Variants in ITPR2 observed in about 807,000 individuals in gnomAD.
ITPR2 encodes the protein inositol 1,4,5-trisphosphate-gated calcium channel ITPR2.
A neutral mutation model predicts 317.1 loss-of-function variants in ITPR2; 207 were observed. That is an observed-to-expected ratio of 0.65 (90% CI 0.58 to 0.73). The LOEUF (loss-of-function observed/expected upper bound fraction) is 0.73, where lower values mean the gene tolerates loss of function less well. Among genes scored for constraint, ITPR2 ranks in the 30% least tolerant of loss-of-function variants. The pLI is 0.00. For synonymous variants in ITPR2, 1,156 were observed against 1,149.1 expected (o/e 1.01, Z -0.12); for missense variants, 2,613 against 3,284.0 (o/e 0.80, Z 4.99).
At chr12:26,373,735 A>G (rs1939255929) in intron 55 of ITPR2, 1 of 152,248 alleles carries the variant, frequency 6.6e-6, no homozygotes, top group Admixed American at 6.5e-5. Context: ...GACACAGACC[A>G]GAATATTATT....
At chr12:26,366,263 G>A (rs1251217600) in intron 55 of ITPR2, among the ~76,000 whole-genome samples, 1 of 152,092 alleles carries the variant, frequency 6.6e-6, no homozygotes, top group Admixed American at 6.6e-5. Context: ...AGTAATGAAA[G>A]GCTATGTGAA....
chr12:26,610,427 A>G (rs368748912), intron 26 of ITPR2, among the ~76,000 whole-genome samples: 2 of 152,190 alleles, frequency 1.3e-5, no homozygotes, highest in South Asian at 2.1e-4. Context: ...TTTGCTTTCA[A>G]AAAGTAATGA....
chr12:26,825,423 C>T (rs1436743129), intron 1 of ITPR2, among the ~76,000 whole-genome samples: 2 of 152,004 alleles, frequency 1.3e-5, no homozygotes, highest in African/African-American at 4.8e-5. Flanking sequence ...TATGAAGACC[C>T]TCTGCCTGGA....
intron 48 of ITPR2, among the ~76,000 whole-genome samples, chr12:26,435,125 G>C (rs1219570089): frequency 1.3e-5 from 2 of 152,108 alleles, no homozygotes; most frequent in Admixed American, 1.3e-4. Flanking sequence ...CTAAAGTTTA[G>C]AACTTTGATA....
intron 1 of ITPR2, among the ~76,000 whole-genome samples, chr12:26,826,445 T>C (rs1382133825): frequency 6.6e-6 from 1 of 152,156 alleles, no homozygotes; most frequent in Non-Finnish European, 1.5e-5. Flanking sequence ...GTCAGAATTA[T>C]AAACTGTGTG....
At chr12:26,426,775 T>C (rs2136700607) in intron 49 of ITPR2, among the ~76,000 whole-genome samples, 1 of 152,024 alleles carries the variant, frequency 6.6e-6, no homozygotes, top group South Asian at 2.1e-4. Flanking sequence ...CTCAGCTTTA[T>C]AATTCTTGAA....
intron 37 of ITPR2, among the ~76,000 whole-genome samples, chr12:26,542,994 T>C (rs1944301423): frequency 1.3e-5 from 2 of 152,318 alleles, no homozygotes; most frequent in South Asian, 4.1e-4. Flanking sequence ...AGGATTGGAG[T>C]TGACAGACAT....
chr12:26,443,682 C>CT (rs1270663858), intron 45 of ITPR2, 32 bp from the exon 46 acceptor site: 1 of 1,562,216 alleles, frequency 6.4e-7, no homozygotes, highest in South Asian at 1.1e-5. Context: ...GGTTTTAGGT[C>CT]TTCTTTTCCC....
rs533189506 is a variant in ITPR2, at chr12:26,538,106, T to C, written c.5073+12141A>G. 4.1e-4 allele frequency among the ~76,000 whole-genome samples: 63 copies of C among 152,364 alleles called. 1 individual carries two copies. Among genetic ancestry groups the C allele is most frequent in the African/African-American group, 1.4e-3 (60 of 41,580 alleles). The stretch of plus-strand genomic sequence containing the variant: ...TCATAGAATGAGAGACAGTATCATG[T>C]AGTGATTGGAAACATGGGCTCTAGG... On this transcript the variant is annotated intron_variant, in intron 37 of 56. Transcript: ENST00000381340.
chr12:26,640,315 T>G (rs1946955458), intron 21 of ITPR2, among the ~76,000 whole-genome samples: 1 of 152,032 alleles, frequency 6.6e-6, no homozygotes, highest in East Asian at 1.9e-4. Context: ...ATGGCACATG[T>G]TTACCTATGT....
At chr12:26,430,418 C>T (rs7310244) in intron 48 of ITPR2, among the ~76,000 whole-genome samples, 1 of 152,154 alleles carries the variant, frequency 6.6e-6, no homozygotes, top group African/African-American at 2.4e-5. Context: ...TGCCTGCCAC[C>T]ACGTCTGGCT....
chr12:26,772,500 C>T lies in ITPR2; in HGVS notation c.163+17657G>A, dbSNP rs1179578604. Among the ~76,000 whole-genome samples, 200 of 105,620 alleles carry T rather than the reference C, an allele frequency of 1.9e-3. 1 individual carries two copies. Among genetic ancestry groups the T allele is most frequent in the Non-Finnish European group, 2.5e-3 (120 of 47,474 alleles). 69.3% of individuals were successfully genotyped at this position (105,620 alleles called of 152,430 possible). A position where few individuals can be genotyped will look rare whatever the true frequency, so the allele number is the denominator to read the frequency against. On this transcript the variant is annotated intron_variant, in intron 2 of 56. Transcript: ENST00000381340. ...TATAATATATATAATACATATAATA[C>T]ATGTATTATATATAATACATTATTA...
intron 34 of ITPR2, among the ~76,000 whole-genome samples, chr12:26,574,278 C>A (rs190733015): frequency 6.6e-6 from 1 of 151,246 alleles, no homozygotes; most frequent in East Asian, 1.9e-4. Context: ...TTGTGTTCCT[C>A]CTCAGATTTC....
intron 12 of ITPR2, 83 bp from the exon 13 acceptor site, chr12:26,682,117 G>C (rs1415319994): frequency 5.4e-6 from 6 of 1,115,880 alleles, no homozygotes; most frequent in Admixed American, 2.1e-5. Flanking sequence ...TACTGTTTAA[G>C]AAATATAAGA....
chr12:26,379,230 T>C (rs1181396909), intron 55 of ITPR2, among the ~76,000 whole-genome samples: 1 of 152,330 alleles, frequency 6.6e-6, no homozygotes. Flanking sequence ...CAATAGGATC[T>C]GCCTCCTAGA....
intron 32 of ITPR2, among the ~76,000 whole-genome samples, chr12:26,583,419 A>C (rs1204015632): frequency 6.6e-6 from 1 of 152,050 alleles, no homozygotes; most frequent in East Asian, 1.9e-4. Context: ...ATTCTATTTA[A>C]AATATTTCAT....
At chr12:26,728,250 G>A (rs1270567627) in intron 2 of ITPR2, among the ~76,000 whole-genome samples, 6 of 152,128 alleles carry the variant, frequency 3.9e-5, no homozygotes, top group African/African-American at 1.2e-4. Flanking sequence ...TTGGGTAGCC[G>A]TAGATGTAAA....
chr12:26,655,336 C>T (rs955087283), intron 20 of ITPR2, among the ~76,000 whole-genome samples: 9 of 152,116 alleles, frequency 5.9e-5, no homozygotes, highest in Admixed American at 4.6e-4. Context: ...CAGAGAAGGC[C>T]GGGGGTGGTG....
chr12:26,826,030 T>C (rs1357858372), intron 1 of ITPR2, among the ~76,000 whole-genome samples: 1 of 152,226 alleles, frequency 6.6e-6, no homozygotes, highest in Non-Finnish European at 1.5e-5. Flanking sequence ...GTTTGGAAGA[T>C]ACTAAACATC....
Sources: allele counts gnomAD v4.1 joint callset (sites outside exome capture counted in the v4.1 genomes callset), GRCh38; gene constraint gnomAD v4.1.1; transcripts MANE v1.5; gene names NCBI Gene and HGNC (gene_info 2026-07-23, HGNC 2026-07-21).